The following HERC6 variants were observed in gnomAD, a reference collection of about 807,000 sequenced individuals.
HERC6 encodes HECT and RLD domain containing E3 ubiquitin protein ligase family member 6.
A neutral mutation model predicts 114.5 loss-of-function variants in HERC6; 101 were observed. That is an observed-to-expected ratio of 0.88 (90% CI 0.75 to 1.04). HERC6 has a LOEUF of 1.04. Among genes scored for constraint, HERC6 ranks in the 50% least tolerant of loss-of-function variants. The pLI, the probability that HERC6 is intolerant of heterozygous loss-of-function variation, is 0.00. For missense variants in HERC6, 1,133 were observed against 1,230.9 expected (o/e 0.92, Z 1.19); for synonymous variants, 408 against 436.2 (o/e 0.94, Z 0.81).
chr4:88,423,431 T>C (rs1345498357), intron 13 of HERC6, among the ~76,000 whole-genome samples: 1 of 152,200 alleles, frequency 6.6e-6, no homozygotes, highest in African/African-American at 2.4e-5. Context: ...TAGATCCACA[T>C]TCATTTGTGT....
At chr4:88,426,534 C>T (rs529982414) in intron 15 of HERC6, among the ~76,000 whole-genome samples, 3 of 151,552 alleles carry the variant, frequency 2.0e-5, no homozygotes, top group East Asian at 1.9e-4. Context: ...GGCTGGAGTG[C>T]GATGGTGCGA....
Position 88,396,025 on chromosome 4 carries a change from T to A in HERC6, c.770T>A (p.Val257Glu), listed in dbSNP as rs1346404653. Residue 257 changes from valine (V) to glutamate (E), a missense_variant, in exon 6 of 23, where the codon GTG becomes GAG. By Grantham distance (121) the Val-to-Glu change is moderately radical (BLOSUM62 -2). Transcript: ENST00000264346. The part of the protein sequence containing the change: ...HTAVLTQDGK[V>E]FTFGDNRSGQ... ...TCCTTTGCTAAGCAGGACGGGAAAG[T>A]GTTCACATTTGGAGACAATCGCTCT... 2 of 1,594,234 alleles carry A rather than the reference T, an allele frequency of 1.3e-6. No homozygotes were observed. The highest frequency in any genetic ancestry group is 1.7e-6 in the Non-Finnish European group (2 of 1,170,898).
At chr4:88,422,221 C>A (rs1252497704) in intron 13 of HERC6, among the ~76,000 whole-genome samples, 1 of 152,120 alleles carries the variant, frequency 6.6e-6, no homozygotes, top group Admixed American at 6.5e-5. Flanking sequence ...AATTTACCTA[C>A]TAAAACTAAT....
intron 1 of HERC6, among the ~76,000 whole-genome samples, chr4:88,381,188 T>C (rs1272419953): frequency 6.6e-6 from 1 of 152,134 alleles, no homozygotes; most frequent in African/African-American, 2.4e-5. Flanking sequence ...TTTCAAAAGG[T>C]GTGTGGAGGA....
intron 12 of HERC6, among the ~76,000 whole-genome samples, chr4:88,415,240 C>A (rs1343895214): frequency 6.6e-6 from 1 of 152,152 alleles, no homozygotes; most frequent in East Asian, 1.9e-4. Flanking sequence ...AACAGGATAT[C>A]ATGGAGATCA....
chr4:88,397,188 C>A (rs1353412140), intron 7 of HERC6, among the ~76,000 whole-genome samples: 1 of 151,922 alleles, frequency 6.6e-6, no homozygotes, highest in Admixed American at 6.6e-5. Flanking sequence ...TCTTGGCTCA[C>A]CATAACCTCC....
Position 88,413,163 on chromosome 4 carries a change from C to T in HERC6, c.1455C>T (p.Leu485=). Residue 485 remains leucine, a synonymous_variant, in exon 12 of 23, where the codon CTC becomes CTT. Transcript: ENST00000264346. The stretch of plus-strand genomic sequence containing the variant: ...AAGCTTTATCAGTTTTCCTCCTGCT[C>T]CCAGAATGTCCTGTGATGCATGATT... ...HQEALSVFLL[L]PECPVMHDSK... The T allele has an allele frequency of 6.2e-7, 1 of 1,613,530 alleles. No homozygotes were observed. The highest frequency in any genetic ancestry group is 8.5e-7 in the Non-Finnish European group (1 of 1,179,548).
At chr4:88,423,034 C>A (rs2148949683) in intron 13 of HERC6, among the ~76,000 whole-genome samples, 1 of 150,550 alleles carries the variant, frequency 6.6e-6, no homozygotes, top group Non-Finnish European at 1.5e-5. Context: ...TGTAGTTTTG[C>A]CCCATTTTTC....
chr4:88,425,422 T>C (rs1413426789), intron 15 of HERC6, among the ~76,000 whole-genome samples: 1 of 152,176 alleles, frequency 6.6e-6, no homozygotes, highest in Non-Finnish European at 1.5e-5. Context: ...ATTGTTTTCC[T>C]GCCATGAACA....
chr4:88,400,572 T>G (rs1460979792), intron 8 of HERC6, among the ~76,000 whole-genome samples: 6 of 152,212 alleles, frequency 3.9e-5, no homozygotes, highest in Non-Finnish European at 5.9e-5. Context: ...TCTAAAAATA[T>G]TAAATGGGAA....
chr4:88,390,938 A>G, intron 4 of HERC6, 59 bp downstream of exon 4: 1 of 1,449,646 alleles, frequency 6.9e-7, no homozygotes, highest in Admixed American at 2.1e-5. Flanking sequence ...TGGAAGACCA[A>G]CTTGGCAAAG....
rs192879028 is a variant in HERC6, at chr4:88,408,649, C to T, written c.1368+32C>T. The T allele has an allele frequency of 1.1e-5, 15 of 1,326,636 alleles. No homozygotes were observed. In the African/African-American group the frequency reaches 2.2e-4, roughly 19 times the overall value. 82.2% of individuals were successfully genotyped at this position (1,326,636 alleles called of 1,614,324 possible). Reference sequence around the variant, plus strand: ...GCCAATACTTACTTTAGATATAGAACAAATACGATTGCAGTTTATTTTTGT... The same window carrying T: ...GCCAATACTTACTTTAGATATAGAATAAATACGATTGCAGTTTATTTTTGT... On this transcript the variant is annotated intron_variant, in intron 11 of 22. Transcript: ENST00000264346.
chr4:88,419,867 T>G (rs1321120916), intron 13 of HERC6, among the ~76,000 whole-genome samples: 1 of 152,196 alleles, frequency 6.6e-6, no homozygotes, highest in East Asian at 1.9e-4. Flanking sequence ...TTTACTAATG[T>G]TGTGATAGAG....
intron 15 of HERC6, among the ~76,000 whole-genome samples, chr4:88,426,043 C>T (rs1181622186): frequency 6.6e-6 from 1 of 152,162 alleles, no homozygotes; most frequent in East Asian, 1.9e-4. Context: ...GCTTACATGA[C>T]ATTTTCCAAT....
intron 3 of HERC6, among the ~76,000 whole-genome samples, chr4:88,387,412 C>T (rs189363051): frequency 5.7e-4 from 87 of 152,132 alleles, no homozygotes; most frequent in Admixed American, 1.8e-3. Context: ...GAAAAACAAA[C>T]GAAAACAGGA....
intron 3 of HERC6, among the ~76,000 whole-genome samples, chr4:88,387,776 C>T (rs1428109378): frequency 6.6e-6 from 1 of 152,184 alleles, no homozygotes; most frequent in Non-Finnish European, 1.5e-5. Flanking sequence ...CTTGTACAGT[C>T]CTTAGCATAT....
At chr4:88,398,067 T>C (rs1735339566) in intron 7 of HERC6, 75 bp from the exon 8 acceptor site, 3 of 898,738 alleles carry the variant, frequency 3.3e-6, no homozygotes, top group Non-Finnish European at 5.0e-6. Context: ...AGTAAATAAA[T>C]TTTTGGCTTG....
chr4:88,396,182 GAA>G, intron 6 of HERC6, 40 bp downstream of exon 6: 1 of 1,489,546 alleles, frequency 6.7e-7, no homozygotes, highest in South Asian at 1.4e-5. Context: ...AGCATGTGTA[GAA>G]AGTGTTATAT....
chr4:88,403,410 A>G (rs1012507738), intron 8 of HERC6, among the ~76,000 whole-genome samples: 2 of 152,208 alleles, frequency 1.3e-5, no homozygotes, highest in Non-Finnish European at 2.9e-5. Flanking sequence ...CTAATTATTG[A>G]GTGCCTATTA....
Sources: allele counts gnomAD v4.1 joint callset (sites outside exome capture counted in the v4.1 genomes callset), GRCh38; gene constraint gnomAD v4.1.1; transcripts MANE v1.5; gene names NCBI Gene and HGNC (gene_info 2026-07-23, HGNC 2026-07-21).